DERA: variants seen among roughly 807,000 people sequenced by gnomAD.
The protein encoded by DERA is 2-deoxy-D-ribose 5-phosphate aldolase.
In DERA, 15 loss-of-function variants were observed where a neutral mutation model predicts 41.1. That is an observed-to-expected ratio of 0.37 (90% CI 0.24 to 0.56). DERA has a LOEUF of 0.56. DERA is among the 20% of genes least tolerant of loss of function. The probability of loss-of-function intolerance (pLI) is 0.81; values close to 1 mark genes in which losing one functional copy is unlikely to be tolerated. For synonymous variants in DERA, 139 were observed against 137.4 expected, an observed-to-expected ratio of 1.01 and a Z score of -0.08; for missense variants, 396 against 403.4, an observed-to-expected ratio of 0.98 and a Z score of 0.16.
chr12:16,002,644 A>G (rs962053961), intron 6 of DERA, among the ~76,000 whole-genome samples: 1 of 152,192 alleles, frequency 6.6e-6, no homozygotes, highest in Non-Finnish European at 1.5e-5. Context: ...TTCTAAGTGT[A>G]TAATACAACA....
At chr12:15,962,076 G>GT (rs1158635320) in intron 4 of DERA, among the ~76,000 whole-genome samples, 2 of 152,260 alleles carry the variant, frequency 1.3e-5, no homozygotes, top group South Asian at 2.1e-4. Context: ...AACATGACAG[G>GT]TTTTTTTAGA....
At chr12:16,005,421 A>C (rs1948902405) in intron 6 of DERA, among the ~76,000 whole-genome samples, 1 of 152,204 alleles carries the variant, frequency 6.6e-6, no homozygotes, top group South Asian at 2.1e-4. Flanking sequence ...ACTGGTCTCT[A>C]GCCTGGGTAA....
In DERA at chr12:15,998,694, C is replaced by T. The variant is rs913083532; in HGVS notation, c.637+16258C>T. On this transcript the variant is annotated intron_variant, in intron 6 of 8. Coordinates refer to ENST00000428559, the MANE Select transcript of DERA (RefSeq NM_015954.4). This position sits in a 1 kb window ranked among gnomAD's most constrained non-coding sequence, Gnocchi z 4.8. ...GCTTCAGATTCTGAGGTAGGAAGCA[C>T]CTTTAGCATAGGCAGTCCACAGTTA... Among the ~76,000 whole-genome samples the T allele has an allele frequency of 6.6e-6, 1 of 152,102 alleles. No individual in the cohort carries two copies. The highest frequency in any genetic ancestry group is 2.4e-5 in the African/African-American group (1 of 41,404).
At chr12:15,997,201 A>G (rs1220146790) in intron 6 of DERA, among the ~76,000 whole-genome samples, 1 of 152,110 alleles carries the variant, frequency 6.6e-6, no homozygotes, top group Non-Finnish European at 1.5e-5. Flanking sequence ...TAAATGACTG[A>G]TAATAAATAC....
chr12:16,037,284 A>T lies in DERA; in HGVS notation c.*538A>T, dbSNP rs2136192538. 6.6e-6 allele frequency: 1 copy of T among 152,318 alleles called. No individual in the cohort carries two copies. The highest frequency in any genetic ancestry group is 1.5e-5 in the Non-Finnish European group (1 of 68,046). The allele number at this position is 152,318 out of a possible 1,614,324, so 9.4% of individuals were successfully genotyped here. On this transcript the variant is annotated 3_prime_UTR_variant, in exon 9 of 9. Transcript: ENST00000428559. The surrounding 1 kb of genome is among the most constrained non-coding windows in gnomAD (Gnocchi z 6.7). ...ATATCATTAAAATTTTTAAAATAAT[A>T]AAGTTCCTATAGTTTATTTTTTTAA...
chr12:15,942,248 A>T (rs1470081909), intron 1 of DERA, among the ~76,000 whole-genome samples: 2 of 152,108 alleles, frequency 1.3e-5, no homozygotes, highest in Non-Finnish European at 2.9e-5. Context: ...AGTTCCTTGT[A>T]GATTCTGAAT....
rs1328177195 is a variant in DERA at position 16,008,453 on chromosome 12, T to A, written c.638-24089T>A. Among the ~76,000 whole-genome samples the A allele has an allele frequency of 1.3e-5, 2 of 152,196 alleles. No individual in the cohort carries two copies. The highest frequency in any genetic ancestry group is 2.9e-5 in the Non-Finnish European group (2 of 68,024). ...CTGGTGGTGTCTTAGGGGTGTCAGC[T>A]GCACAGAGCAGAGTGTGTGAGGGAA... On this transcript the variant is annotated intron_variant, in intron 6 of 8. Coordinates refer to ENST00000428559, the MANE Select transcript of DERA (RefSeq NM_015954.4). The surrounding 1 kb of genome is among the most constrained non-coding windows in gnomAD (Gnocchi z 4.8).
Position 16,019,634 on chromosome 12 carries a change from T to C in DERA, c.638-12908T>C, listed in dbSNP as rs958779289. On this transcript the variant is annotated intron_variant, in intron 6 of 8. Transcript: ENST00000428559. This position sits in a 1 kb window ranked among gnomAD's most constrained non-coding sequence, Gnocchi z 4.4. The stretch of plus-strand genomic sequence containing the variant: ...TTTCTTTGCTTTTGGTGTTTCTTTT[T>C]ATGGTGGTGTTCTTCCATGTGTGCC... Among the ~76,000 whole-genome samples, 2 of 152,242 alleles carry C rather than the reference T, an allele frequency of 1.3e-5. No individual in the cohort carries two copies. Among genetic ancestry groups the C allele is most frequent in the Non-Finnish European group, 2.9e-5 (2 of 68,048 alleles).
intron 1 of DERA, among the ~76,000 whole-genome samples, chr12:15,939,309 G>C (rs997797310): frequency 2.6e-5 from 4 of 152,168 alleles, no homozygotes; most frequent in African/African-American, 9.6e-5. Flanking sequence ...GAAAGCAGCA[G>C]CACAACCACT....
At chr12:15,919,380 G>A (rs1285220879) in intron 1 of DERA, among the ~76,000 whole-genome samples, 1 of 152,082 alleles carries the variant, frequency 6.6e-6, no homozygotes, top group African/African-American at 2.4e-5. Context: ...TAGTAAATGA[G>A]ACAGCAGACA....
At chr12:15,925,492 A>G (rs1028216565) in intron 1 of DERA, among the ~76,000 whole-genome samples, 8 of 152,224 alleles carry the variant, frequency 5.3e-5, no homozygotes, top group Non-Finnish European at 1.0e-4. Flanking sequence ...GTGTGAAAAA[A>G]AAAGATGTTT....
At chr12:15,947,453 A>G (rs1948459404) in intron 1 of DERA, among the ~76,000 whole-genome samples, 1 of 152,048 alleles carries the variant, frequency 6.6e-6, no homozygotes, top group African/African-American at 2.4e-5. Context: ...TCTCTTTACC[A>G]TTATCTAATG....
At chr12:16,024,758 G>A (rs190610618) in intron 6 of DERA, among the ~76,000 whole-genome samples, 6 of 152,150 alleles carry the variant, frequency 3.9e-5, no homozygotes, top group Non-Finnish European at 7.4e-5. Context: ...TAGATCAGAA[G>A]CTTTGATCTG....
intron 5 of DERA, among the ~76,000 whole-genome samples, chr12:15,974,078 T>A (rs1948681752): frequency 6.6e-6 from 1 of 152,166 alleles, no homozygotes; most frequent in South Asian, 2.1e-4. Flanking sequence ...CATATATAAA[T>A]TATGTATTAT....
Position 15,942,958 on chromosome 12 carries a change from T to G in DERA, c.32-13978T>G, listed in dbSNP as rs533720774. 3.3e-5 allele frequency among the ~76,000 whole-genome samples: 5 copies of G among 152,304 alleles called. No homozygotes were observed. The South Asian group carries it at 1.0e-3, about 32-fold the overall frequency. On this transcript the variant is annotated intron_variant, in intron 1 of 8. Coordinates refer to ENST00000428559, the MANE Select transcript of DERA (RefSeq NM_015954.4). ...GCAACCCAGGATGAGGTGGTCACTC[T>G]AGTGAGGACCAAAGCTCAGCAGTAG...
In DERA at chr12:15,941,707, G is replaced by A. The variant is rs117297183; in HGVS notation, c.32-15229G>A. Among the ~76,000 whole-genome samples, 342 of 152,174 alleles carry A rather than the reference G, an allele frequency of 2.2e-3. No homozygotes were observed. Among genetic ancestry groups the A allele is most frequent in the Middle Eastern group, 6.8e-3 (2 of 294 alleles). On this transcript the variant is annotated intron_variant, in intron 1 of 8. Transcript: ENST00000428559. This position sits in a 1 kb window ranked among gnomAD's most constrained non-coding sequence, Gnocchi z 4.5. Reference sequence around the variant, plus strand: ...AAGTTGCTGCAAAAGACATTATTTCGTTTCCTTTTATGGCTCAGTACTCCA... The same window carrying A: ...AAGTTGCTGCAAAAGACATTATTTCATTTCCTTTTATGGCTCAGTACTCCA...
At chr12:15,955,540 C>A (rs1408210556) in intron 1 of DERA, among the ~76,000 whole-genome samples, 2 of 152,018 alleles carry the variant, frequency 1.3e-5, no homozygotes, top group African/African-American at 4.8e-5. Context: ...GGAGCAGGAG[C>A]AGATGGATTG....
chr12:16,016,791 CAAAAAAAA>C (rs55996641), intron 6 of DERA, among the ~76,000 whole-genome samples: 112 of 58,676 alleles, frequency 1.9e-3, no homozygotes, highest in African/African-American at 6.9e-3. Context: ...GACCCTGTCT[CAAAAAAAA>C]AAAAAAAAAA....
At chr12:15,947,301 A>G (rs1005429165) in intron 1 of DERA, among the ~76,000 whole-genome samples, 6 of 152,194 alleles carry the variant, frequency 3.9e-5, no homozygotes, top group South Asian at 2.1e-4. Flanking sequence ...AATGTTGACA[A>G]TGGGGTGTTA....
Sources: allele counts gnomAD v4.1 joint callset (sites outside exome capture counted in the v4.1 genomes callset), GRCh38; gene constraint gnomAD v4.1.1; non-coding constraint Gnocchi (gnomAD v3.1); transcripts MANE v1.5; gene names NCBI Gene and HGNC (gene_info 2026-07-23, HGNC 2026-07-21).